CDK19: variants seen among roughly 807,000 people sequenced by gnomAD.
CDK19 encodes the protein cyclin-dependent kinase 19.
CDK19 carries 20 observed loss-of-function variants against 68.3 expected under a neutral mutation model. The observed-to-expected ratio is 0.29, with a 90% CI of 0.21 to 0.43. The LOEUF (loss-of-function observed/expected upper bound fraction) is 0.43. Among genes scored for constraint, CDK19 ranks in the 20% least tolerant of loss-of-function variants. The pLI, the probability that CDK19 is intolerant of heterozygous loss-of-function variation, is 1.00. For synonymous variants in CDK19, 221 were observed against 222.8 expected, an observed-to-expected ratio of 0.99 and a Z score of 0.07; for missense variants, 339 against 623.5, an observed-to-expected ratio of 0.54 and a Z score of 4.86.
chr6:110,815,749 G>A (rs1783601381), upstream of CDK19: 1 of 152,512 alleles, frequency 6.6e-6, no homozygotes, highest in South Asian at 2.0e-4. Context: ...CTAGTGGGAA[G>A]GGGATACTTC....
chr6:110,732,528 A>G (rs1776841676), intron 2 of CDK19, among the ~76,000 whole-genome samples: 1 of 151,794 alleles, frequency 6.6e-6, no homozygotes, highest in African/African-American at 2.4e-5. Flanking sequence ...AAGGCAAGAA[A>G]AAAAGTCATT....
chr6:110,684,623 C>T (rs1252700081), intron 2 of CDK19, among the ~76,000 whole-genome samples: 2 of 152,112 alleles, frequency 1.3e-5, no homozygotes, highest in African/African-American at 2.4e-5. Context: ...TTAGCTGCTC[C>T]TTCTATGGAG....
At chr6:110,646,044 GCTATCCCTTT>G in intron 4 of CDK19, 1 of 919,602 alleles carries the variant, frequency 1.1e-6, no homozygotes, top group Non-Finnish European at 1.7e-6. Context: ...CATCTACGAA[GCTATCCCTTT>G]GTTGCCAGGC....
At chr6:110,751,293 A>G (rs1778457748) in intron 1 of CDK19, among the ~76,000 whole-genome samples, 1 of 151,874 alleles carries the variant, frequency 6.6e-6, no homozygotes, top group Non-Finnish European at 1.5e-5. Context: ...TCTCCATCAC[A>G]CCCATTACCA....
At chr6:110,667,227 AT>A (rs1782001251) in intron 4 of CDK19, among the ~76,000 whole-genome samples, 1 of 152,204 alleles carries the variant, frequency 6.6e-6, no homozygotes, top group Non-Finnish European at 1.5e-5. Flanking sequence ...CTATGCATAA[AT>A]ATAATGGAAT....
chr6:110,722,335 C>T (rs1415366225), intron 2 of CDK19: 2 of 151,510 alleles, frequency 1.3e-5, no homozygotes, highest in Admixed American at 6.6e-5. Flanking sequence ...TTTAGTGCTG[C>T]CAAAATAAGC....
At chr6:110,685,710 A>G (rs1032991033) in intron 2 of CDK19, among the ~76,000 whole-genome samples, 1 of 152,234 alleles carries the variant, frequency 6.6e-6, no homozygotes, top group Admixed American at 6.5e-5. Context: ...AGATGGCTTC[A>G]AAGTTAAAAC....
At chr6:110,809,072 G>A (rs187611478) in intron 1 of CDK19, among the ~76,000 whole-genome samples, 2,036 of 151,696 alleles carry the variant, frequency 0.013, 49 homozygotes, top group African/African-American at 0.047. Flanking sequence ...AAAATTAGCC[G>A]GGCATGGTGG....
At chr6:110,787,996 T>C (rs1345181000) in intron 1 of CDK19, among the ~76,000 whole-genome samples, 1 of 151,990 alleles carries the variant, frequency 6.6e-6, no homozygotes, top group African/African-American at 2.4e-5. Context: ...TGCGCCACCA[T>C]ACCTGGCTAA....
chr6:110,717,216 A>G (rs1775473526), intron 2 of CDK19, among the ~76,000 whole-genome samples: 1 of 104,598 alleles, frequency 9.6e-6, no homozygotes, highest in South Asian at 2.8e-4. Flanking sequence ...TATATGATAT[A>G]TATCTATATA....
intron 4 of CDK19, among the ~76,000 whole-genome samples, chr6:110,645,373 A>C (rs1289019973): frequency 6.6e-6 from 1 of 152,230 alleles, no homozygotes. Context: ...AATAATGAAA[A>C]TACTATCTAC....
chr6:110,645,742 T>C, intron 4 of CDK19: 3 of 505,438 alleles, frequency 5.9e-6, no homozygotes, highest in Non-Finnish European at 7.6e-6. Flanking sequence ...ACAGGTGGTG[T>C]CCACGGTAAT....
chr6:110,634,378 T>C (rs1359130500), intron 5 of CDK19, among the ~76,000 whole-genome samples: 2 of 152,052 alleles, frequency 1.3e-5, no homozygotes, highest in South Asian at 2.1e-4. Flanking sequence ...CCACCATGCC[T>C]GGCTAATTTT....
chr6:110,766,299 G>A (rs1378671314), intron 1 of CDK19, among the ~76,000 whole-genome samples: 3 of 151,856 alleles, frequency 2.0e-5, no homozygotes, highest in African/African-American at 7.3e-5. Flanking sequence ...TGCAGGCCAG[G>A]CATGGTGGCT....
intron 2 of CDK19, among the ~76,000 whole-genome samples, chr6:110,672,514 C>A (rs1290130444): frequency 6.6e-6 from 1 of 152,138 alleles, no homozygotes. Context: ...TCATATGGTT[C>A]AAAAATCAAA....
chr6:110,634,257 C>T (rs983650206), intron 5 of CDK19, among the ~76,000 whole-genome samples: 7 of 152,166 alleles, frequency 4.6e-5, no homozygotes, highest in African/African-American at 1.4e-4. Context: ...CGCTCTGTTG[C>T]CCAGGCTGGA....
chr6:110,753,899 TCTTA>T (rs1216921905), intron 1 of CDK19, among the ~76,000 whole-genome samples: 2 of 152,294 alleles, frequency 1.3e-5, no homozygotes, highest in Middle Eastern at 3.4e-3. Flanking sequence ...TCCCCAAGCT[TCTTA>T]CTTTTTAGTC....
chr6:110,760,714 C>T (rs1368209055), intron 1 of CDK19, among the ~76,000 whole-genome samples: 3 of 152,152 alleles, frequency 2.0e-5, no homozygotes, highest in South Asian at 2.1e-4. Flanking sequence ...GGCGACAGGG[C>T]GAGACCTTGT....
At chr6:110,620,790 A>G (rs1778661589) in intron 12 of CDK19, among the ~76,000 whole-genome samples, 1 of 152,198 alleles carries the variant, frequency 6.6e-6, no homozygotes, top group Non-Finnish European at 1.5e-5. Context: ...TCAACTGCGT[A>G]TCTACGTATC....
Sources: allele counts gnomAD v4.1 joint callset (sites outside exome capture counted in the v4.1 genomes callset), GRCh38; gene constraint gnomAD v4.1.1; transcripts MANE v1.5; gene names NCBI Gene and HGNC (gene_info 2026-07-23, HGNC 2026-07-21).